Variants in ZNF609 observed in about 807,000 individuals in gnomAD.
ZNF609 encodes the protein zinc finger protein 609.
In ZNF609, 11 loss-of-function variants were observed where a neutral mutation model predicts 109.5. That is an observed-to-expected ratio of 0.10 (90% CI 0.06 to 0.17). The LOEUF (loss-of-function observed/expected upper bound fraction) is 0.17, where lower values mean the gene tolerates loss of function less well. ZNF609 is among the 10% of genes least tolerant of loss of function. ZNF609 has a pLI of 1.00. For synonymous variants in ZNF609, 646 were observed against 662.0 expected, an observed-to-expected ratio of 0.98 and a Z score of 0.37; for missense variants, 1,559 against 1,772.4, an observed-to-expected ratio of 0.88 and a Z score of 2.16.
chr15:64,506,602 C>G (rs1381158544), intron 2 of ZNF609, among the ~76,000 whole-genome samples: 3 of 151,672 alleles, frequency 2.0e-5, no homozygotes, highest in Non-Finnish European at 4.4e-5. Flanking sequence ...TGCCTGTAGT[C>G]CCAGCTACTC....
chr15:64,510,447 C>T lies in ZNF609; in HGVS notation c.747+10281C>T, dbSNP rs148120141. On this transcript the variant is annotated intron_variant, in intron 2 of 9. Coordinates refer to ENST00000326648, the MANE Select transcript of ZNF609 (RefSeq NM_015042.2). The stretch of plus-strand genomic sequence containing the variant: ...CTGAAACTCCTGGGCTCAAGTGATT[C>T]CCCCTGCCTCAGCCTCCCAAAGTGC... Among the ~76,000 whole-genome samples, 115 of 152,144 alleles carry T rather than the reference C, an allele frequency of 7.6e-4. 1 individual carries two copies. The East Asian group carries it at 0.021, about 28-fold the overall frequency.
At chr15:64,669,136 A>T (rs1407282186) in intron 3 of ZNF609, among the ~76,000 whole-genome samples, 1 of 152,094 alleles carries the variant, frequency 6.6e-6, no homozygotes, top group Non-Finnish European at 1.5e-5. Flanking sequence ...GTCCTCTTTG[A>T]GGCAATTTGG....
chr15:64,519,343 TGA>T (rs1893859419), intron 2 of ZNF609, among the ~76,000 whole-genome samples: 1 of 151,992 alleles, frequency 6.6e-6, no homozygotes, highest in Non-Finnish European at 1.5e-5. Context: ...GCCATAGAAG[TGA>T]GTGCACTTAC....
At chr15:64,483,535 T>C (rs1424473061) in intron 1 of ZNF609, among the ~76,000 whole-genome samples, 1 of 151,920 alleles carries the variant, frequency 6.6e-6, no homozygotes, top group Non-Finnish European at 1.5e-5. Context: ...TACAGATGCA[T>C]ACCACCACGC....
intron 2 of ZNF609, among the ~76,000 whole-genome samples, chr15:64,622,321 TC>T (rs1895888535): frequency 6.6e-6 from 1 of 152,222 alleles, no homozygotes; most frequent in Non-Finnish European, 1.5e-5. Context: ...TTTGGCTATT[TC>T]TTCCTCTCTT....
intron 1 of ZNF609, among the ~76,000 whole-genome samples, chr15:64,461,780 G>T (rs143457398): frequency 6.6e-6 from 1 of 152,276 alleles, no homozygotes; most frequent in East Asian, 1.9e-4. Flanking sequence ...TCTGTTTCCA[G>T]CCATGTGTCC....
At chr15:64,618,042 TC>T (rs761345460) in intron 2 of ZNF609, among the ~76,000 whole-genome samples, 1 of 152,204 alleles carries the variant, frequency 6.6e-6, no homozygotes, top group African/African-American at 2.4e-5. Flanking sequence ...TACCTTATTT[TC>T]CCTCTTGGCC....
intron 2 of ZNF609, among the ~76,000 whole-genome samples, chr15:64,543,467 G>A (rs1185061885): frequency 6.9e-6 from 1 of 145,488 alleles, no homozygotes; most frequent in African/African-American, 2.5e-5. Flanking sequence ...TTTTTTAAAC[G>A]GAGCCTCCCT....
intron 1 of ZNF609, among the ~76,000 whole-genome samples, chr15:64,488,082 G>A (rs528284269): frequency 1.2e-4 from 19 of 152,304 alleles, no homozygotes; most frequent in African/African-American, 4.3e-4. Context: ...GAATGAGACT[G>A]TTGCAAGGCT....
rs1567045045 is a variant in ZNF609 at position 64,674,845 on chromosome 15, C to T, written c.1991C>T (p.Pro664Leu). Residue 664 changes from proline to leucine, a missense_variant, in exon 5 of 10, where the codon CCC (proline) becomes CTC (leucine). Physicochemically the swap from Pro to Leu is moderately conservative, Grantham distance 98. Coordinates refer to ENST00000326648, the MANE Select transcript of ZNF609 (RefSeq NM_015042.2). Reference sequence around the variant, plus strand: ...GCCCGTCCCATTGCCCCTGCCATCCCCCCACAGCAAATCTACACCTTCCAG... The same window carrying T: ...GCCCGTCCCATTGCCCCTGCCATCCTCCCACAGCAAATCTACACCTTCCAG... Reference protein sequence around the residue: ...KSARPIAPAIPPQQIYTFQTA... With the variant: ...KSARPIAPAILPQQIYTFQTA... 1 of 1,614,164 alleles carries T rather than the reference C, an allele frequency of 6.2e-7. No individual in the cohort carries two copies. Among genetic ancestry groups the T allele is most frequent in the Non-Finnish European group, 8.5e-7 (1 of 1,180,036 alleles).
chr15:64,658,571 C>T (rs1336880122), intron 3 of ZNF609, among the ~76,000 whole-genome samples: 4 of 151,994 alleles, frequency 2.6e-5, no homozygotes, highest in Non-Finnish European at 5.9e-5. Flanking sequence ...GATATACACA[C>T]ACACACACAC....
chr15:64,463,192 C>T (rs760575693), intron 1 of ZNF609, among the ~76,000 whole-genome samples: 3 of 152,080 alleles, frequency 2.0e-5, no homozygotes, highest in African/African-American at 4.8e-5. Flanking sequence ...TTCAGGAGTT[C>T]GAGACCAGCT....
intron 4 of ZNF609, among the ~76,000 whole-genome samples, chr15:64,673,033 TTTGC>T (rs1896759098): frequency 1.3e-5 from 2 of 152,042 alleles, no homozygotes; most frequent in Admixed American, 6.6e-5. Flanking sequence ...ATGCCCTCCC[TTTGC>T]ATTTCTGAGA....
chr15:64,530,458 T>TATC (rs1432630595), intron 2 of ZNF609, among the ~76,000 whole-genome samples: 1 of 152,228 alleles, frequency 6.6e-6, no homozygotes, highest in Non-Finnish European at 1.5e-5. Context: ...ATAATTATAC[T>TATC]ATCACGGCTA....
chr15:64,658,355 G>A lies in ZNF609; in HGVS notation c.974-11991G>A, dbSNP rs369402495. ...TGGGATTACAGGCATGCACCACCAC[G>A]CCCAGCTAATTTTGTATTTTTAATA... On this transcript the variant is annotated intron_variant, in intron 3 of 9. Transcript: ENST00000326648. 0.02 allele frequency among the ~76,000 whole-genome samples: 3,005 copies of A among 152,016 alleles called. 237 individuals carry two copies. The South Asian group carries it at 0.28, about 14-fold the overall frequency.
rs1489088535 is a variant in ZNF609 at position 64,684,189 on chromosome 15, T to A, written c.*2503T>A. On this transcript the variant is annotated 3_prime_UTR_variant, in exon 10 of 10. Transcript: ENST00000326648. The stretch of plus-strand genomic sequence containing the variant: ...GAAAGATTTGCTGCCCACCTCTACA[T>A]GGGGAGGAGAAACACAGGTGGGAGC... The A allele has an allele frequency of 6.6e-6, 1 of 152,122 alleles. No individual in the cohort carries two copies. The allele number at this position is 152,122 out of a possible 1,614,324, so 9.4% of individuals were successfully genotyped here.
At chr15:64,610,897 G>A (rs554749656) in intron 2 of ZNF609, among the ~76,000 whole-genome samples, 16 of 152,222 alleles carry the variant, frequency 1.1e-4, no homozygotes, top group African/African-American at 3.9e-4. Context: ...GGCCGGCCTA[G>A]GAATCGCTGT....
At chr15:64,642,294 T>C (rs773609015) in intron 3 of ZNF609, among the ~76,000 whole-genome samples, 1 of 152,098 alleles carries the variant, frequency 6.6e-6, no homozygotes, top group Non-Finnish European at 1.5e-5. Context: ...AGCAACCCTC[T>C]CACCTCAACT....
At chr15:64,641,440 C>T (rs188308402) in intron 3 of ZNF609, among the ~76,000 whole-genome samples, 1 of 151,760 alleles carries the variant, frequency 6.6e-6, no homozygotes, top group Non-Finnish European at 1.5e-5. Flanking sequence ...TCTTGAACTC[C>T]TGACCTCAGG....
Sources: allele counts gnomAD v4.1 joint callset (sites outside exome capture counted in the v4.1 genomes callset), GRCh38; gene constraint gnomAD v4.1.1; transcripts MANE v1.5; gene names NCBI Gene and HGNC (gene_info 2026-07-23, HGNC 2026-07-21).